Variants in KCNQ3 observed in about 807,000 individuals in gnomAD.
The protein encoded by KCNQ3 is potassium voltage-gated channel subfamily Q member 3, also known as potassium voltage-gated channel subfamily KQT member 3.
In KCNQ3, 30 loss-of-function variants were observed where a neutral mutation model predicts 92.5. That is an observed-to-expected ratio of 0.32 (90% CI 0.24 to 0.44). KCNQ3 has a LOEUF of 0.44. Ranked by LOEUF, KCNQ3 falls within the 20% of genes least tolerant of loss-of-function variation. The probability of loss-of-function intolerance (pLI) is 1.00; values close to 1 mark genes in which losing one functional copy is unlikely to be tolerated. For synonymous variants in KCNQ3, 450 were observed against 468.8 expected (o/e 0.96, Z 0.52); for missense variants, 913 against 1,140.3 (o/e 0.80, Z 2.87).
At chr8:132,303,846 T>G (rs971040500) in intron 1 of KCNQ3, among the ~76,000 whole-genome samples, 1 of 149,932 alleles carries the variant, frequency 6.7e-6, no homozygotes, top group Admixed American at 6.7e-5. Context: ...ACAGAAAATA[T>G]TATATGTGTA....
intron 1 of KCNQ3, among the ~76,000 whole-genome samples, chr8:132,230,478 AGAG>A (rs1814610834): frequency 1.3e-5 from 2 of 150,922 alleles, no homozygotes; most frequent in Non-Finnish European, 2.9e-5. Flanking sequence ...AGAGAGAGAG[AGAG>A]AAAATCCTTT....
At chr8:132,441,332 C>T (rs1308626964) in intron 1 of KCNQ3, among the ~76,000 whole-genome samples, 2 of 152,194 alleles carry the variant, frequency 1.3e-5, no homozygotes, top group African/African-American at 4.8e-5. Flanking sequence ...AGGTGGATCA[C>T]AAGGTCGGGA....
At chr8:132,258,977 A>T (rs1238363930) in intron 1 of KCNQ3, among the ~76,000 whole-genome samples, 1 of 152,106 alleles carries the variant, frequency 6.6e-6, no homozygotes, top group Non-Finnish European at 1.5e-5. Flanking sequence ...ATTTGAATAG[A>T]CTTTAGCAAA....
chr8:132,243,540 T>C (rs1815059484), intron 1 of KCNQ3, among the ~76,000 whole-genome samples: 1 of 152,222 alleles, frequency 6.6e-6, no homozygotes, highest in South Asian at 2.1e-4. Context: ...AAATTAAAAG[T>C]TAATCCTTTT....
chr8:132,141,481 T>C, intron 9 of KCNQ3, 150 bp from the exon 10 acceptor site: 1 of 755,044 alleles, frequency 1.3e-6, no homozygotes, highest in Non-Finnish European at 2.3e-6. Context: ...CAGCTTGGAA[T>C]CGGACAGGGC....
intron 1 of KCNQ3, among the ~76,000 whole-genome samples, chr8:132,300,581 G>A (rs1052534584): frequency 6.6e-6 from 1 of 152,156 alleles, no homozygotes; most frequent in Non-Finnish European, 1.5e-5. Flanking sequence ...TGTGGCACCA[G>A]GACTCTGTAC....
intron 1 of KCNQ3, among the ~76,000 whole-genome samples, chr8:132,424,062 C>T (rs1010270510): frequency 3.3e-5 from 5 of 152,154 alleles, no homozygotes; most frequent in African/African-American, 1.2e-4. Flanking sequence ...ACTCTTCTTC[C>T]CCACCATGTC....
At chr8:132,280,866 G>T (rs1816493176) in intron 1 of KCNQ3, among the ~76,000 whole-genome samples, 1 of 152,084 alleles carries the variant, frequency 6.6e-6, no homozygotes. Flanking sequence ...GAACATGGTA[G>T]GAACTGAGCA....
At chr8:132,358,352 CCCT>C (rs1313847792) in intron 1 of KCNQ3, among the ~76,000 whole-genome samples, 1 of 152,150 alleles carries the variant, frequency 6.6e-6, no homozygotes, top group African/African-American at 2.4e-5. Context: ...GCTTTAGACC[CCCT>C]CTGGGAGTCA....
At position 132,129,096 on chromosome 8, in the gene KCNQ3, G is replaced by A; in HGVS notation, c.*166C>T. On this transcript the variant is annotated 3_prime_UTR_variant, in exon 15 of 15. Coordinates refer to ENST00000388996, the MANE Select transcript of KCNQ3 (RefSeq NM_004519.4). The surrounding 1 kb of genome is among the most constrained non-coding windows in gnomAD (Gnocchi z 5.9). ...AGGAAGCACTTTGTTGTGGTGACAT[G>A]GGGAGGAAGAGGCTGTGGGAAGCCC... is the stretch of plus-strand genomic sequence containing the variant. 1.4e-6 allele frequency: 1 copy of A among 693,180 alleles called. No individual in the cohort carries two copies. The highest frequency in any genetic ancestry group is 2.5e-6 in the Non-Finnish European group (1 of 407,488). 42.9% of individuals were successfully genotyped at this position (693,180 alleles called of 1,614,324 possible).
At chr8:132,421,673 CAAAGG>C (rs1820970906) in intron 1 of KCNQ3, among the ~76,000 whole-genome samples, 1 of 151,948 alleles carries the variant, frequency 6.6e-6, no homozygotes, top group Non-Finnish European at 1.5e-5. Context: ...CAATGTGTTC[CAAAGG>C]AAAATGAGGA....
intron 1 of KCNQ3, among the ~76,000 whole-genome samples, chr8:132,282,326 G>C (rs1269154335): frequency 6.6e-6 from 1 of 152,160 alleles, no homozygotes; most frequent in Non-Finnish European, 1.5e-5. Flanking sequence ...TCCTTCTCCT[G>C]AATTTTAACA....
intron 1 of KCNQ3, among the ~76,000 whole-genome samples, chr8:132,354,591 C>T (rs1169319541): frequency 2.0e-5 from 3 of 152,208 alleles, no homozygotes; most frequent in Non-Finnish European, 4.4e-5. Flanking sequence ...CTGAACAATG[C>T]TCAGAGGACA....
intron 1 of KCNQ3, among the ~76,000 whole-genome samples, chr8:132,276,407 C>T (rs1017554300): frequency 6.6e-6 from 1 of 152,090 alleles, no homozygotes; most frequent in Admixed American, 6.5e-5. Context: ...ACATCCAGGG[C>T]AGGCTCTGTT....
chr8:132,202,494 T>C (rs548476358), intron 1 of KCNQ3, among the ~76,000 whole-genome samples: 26 of 152,304 alleles, frequency 1.7e-4, no homozygotes, highest in Middle Eastern at 6.8e-3. Flanking sequence ...CTTTTTTCTC[T>C]CATTTTATTG....
At chr8:132,370,540 G>A (rs150984880) in intron 1 of KCNQ3, among the ~76,000 whole-genome samples, 54 of 152,166 alleles carry the variant, frequency 3.5e-4, no homozygotes, top group African/African-American at 6.0e-4. Flanking sequence ...TTAGAGCCCC[G>A]TATTTTCCTC....
chr8:132,382,168 G>C (rs1240093945), intron 1 of KCNQ3, among the ~76,000 whole-genome samples: 1 of 152,186 alleles, frequency 6.6e-6, no homozygotes, highest in Non-Finnish European at 1.5e-5. Context: ...TTTGCATGCT[G>C]ACATGGTCTG....
intron 1 of KCNQ3, among the ~76,000 whole-genome samples, chr8:132,433,845 G>A (rs1304903758): frequency 1.3e-5 from 2 of 150,588 alleles, no homozygotes; most frequent in African/African-American, 2.4e-5. Flanking sequence ...AGCCAAGGTC[G>A]TGCCACGGCA....
chr8:132,314,647 C>T (rs529500912), intron 1 of KCNQ3, among the ~76,000 whole-genome samples: 63 of 152,250 alleles, frequency 4.1e-4, no homozygotes, highest in African/African-American at 1.5e-3. Flanking sequence ...TACATGGAAA[C>T]AGGTCTTAAG....
Sources: gnomAD v4.1 joint callset for allele counts (sites outside exome capture counted in the v4.1 genomes callset) on GRCh38, gnomAD v4.1.1 for gene constraint, Gnocchi (gnomAD v3.1) non-coding constraint, MANE v1.5 for transcripts, NCBI Gene and HGNC (gene_info 2026-07-23, HGNC 2026-07-21) for gene names.